The following KDM1B variants were observed in gnomAD, a reference collection of about 807,000 sequenced individuals.
KDM1B encodes lysine-specific histone demethylase 2.
In KDM1B, 63 loss-of-function variants were observed where a neutral mutation model predicts 107.4. That is an observed-to-expected ratio of 0.59 (90% CI 0.48 to 0.72). The LOEUF is 0.72. KDM1B is among the 30% of genes least tolerant of loss of function. The pLI, the probability that KDM1B is intolerant of heterozygous loss-of-function variation, is 0.00. For synonymous variants in KDM1B, 363 were observed against 363.9 expected (o/e 1.00, Z 0.03); for missense variants, 749 against 1,020.8 (o/e 0.73, Z 3.63).
chr6:18,165,545 A>G (rs1473938461), intron 5 of KDM1B, among the ~76,000 whole-genome samples: 2 of 152,176 alleles, frequency 1.3e-5, no homozygotes, highest in Non-Finnish European at 2.9e-5. Flanking sequence ...ATTCTAGGCT[A>G]GGTGCAGTGG....
intron 14 of KDM1B, among the ~76,000 whole-genome samples, chr6:18,202,278 A>G (rs1440782712): frequency 6.6e-6 from 1 of 151,764 alleles, no homozygotes; most frequent in Non-Finnish European, 1.5e-5. Flanking sequence ...GTGTGTCTGT[A>G]GTCCCAGCTA....
At position 18,223,840 on chromosome 6, in the gene KDM1B, AG is replaced by A. The variant is rs777064846; in HGVS notation, c.*1849del. 5 of 152,246 alleles carry A rather than the reference AG, an allele frequency of 3.3e-5. No homozygotes were observed. The highest frequency in any genetic ancestry group is 9.6e-5 in the African/African-American group (4 of 41,470). The allele number at this position is 152,246 out of a possible 1,614,324, so 9.4% of individuals were successfully genotyped here. Reference sequence around the variant, plus strand: ...GGTTGTGTAAAACTAATAAAAAACTAGACTTTCACATGTACTCTGTACTGTA... The same window carrying A: ...GGTTGTGTAAAACTAATAAAAAACTAACTTTCACATGTACTCTGTACTGTA... On this transcript the variant is annotated 3_prime_UTR_variant, in exon 22 of 22. Coordinates refer to ENST00000650836, the MANE Select transcript of KDM1B (RefSeq NM_001364614.2).
At chr6:18,206,384 G>A (rs1788374220) in intron 15 of KDM1B, among the ~76,000 whole-genome samples, 4 of 152,064 alleles carry the variant, frequency 2.6e-5, no homozygotes, top group African/African-American at 7.2e-5. Context: ...GGGCTTAGTG[G>A]CATGTGCCTG....
At chr6:18,194,354 A>G (rs1383626072) in intron 10 of KDM1B, among the ~76,000 whole-genome samples, 1 of 151,902 alleles carries the variant, frequency 6.6e-6, no homozygotes, top group Non-Finnish European at 1.5e-5. Context: ...GTCAGTCACA[A>G]GAATCCAGCT....
Position 18,209,512 on chromosome 6 carries a change from C to A in KDM1B, c.1866+1306C>A, listed in dbSNP as rs916094303. Among the ~76,000 whole-genome samples the A allele has an allele frequency of 1.3e-5, 2 of 152,202 alleles. No individual in the cohort carries two copies. The highest frequency in any genetic ancestry group is 1.5e-5 in the Non-Finnish European group (1 of 68,034). On this transcript the variant is annotated intron_variant, in intron 17 of 21. Coordinates refer to ENST00000650836, the MANE Select transcript of KDM1B (RefSeq NM_001364614.2). This position sits in a 1 kb window ranked among gnomAD's most constrained non-coding sequence, Gnocchi z 4.3. ...CAACTCGGAGATCTTGGGCAGCAATCCCCGGGCTGCACGTCGGAACCACCT... is the reference window on the plus strand; with the variant it reads ...CAACTCGGAGATCTTGGGCAGCAATACCCGGGCTGCACGTCGGAACCACCT...
At chr6:18,190,798 G>A (rs1474175644) in intron 9 of KDM1B, among the ~76,000 whole-genome samples, 4 of 151,794 alleles carry the variant, frequency 2.6e-5, no homozygotes, top group Non-Finnish European at 1.5e-5. Flanking sequence ...TACTCAAGAA[G>A]CTGAGGCATG....
chr6:18,171,600 G>A (rs1451689529), intron 7 of KDM1B, 121 bp downstream of exon 7: 1 of 671,520 alleles, frequency 1.5e-6, no homozygotes, highest in African/African-American at 1.8e-5. Context: ...TTGCATGCAT[G>A]TAATAGAACC....
chr6:18,161,548 A>G, intron 4 of KDM1B, 94 bp downstream of exon 4: 2 of 1,322,372 alleles, frequency 1.5e-6, no homozygotes, highest in South Asian at 1.3e-5. Context: ...CTAAAGATAG[A>G]TACAGATACT....
In KDM1B at chr6:18,159,924, A is replaced by G. The variant is rs1784863093; in HGVS notation, c.29A>G (p.Lys10Arg). 6.2e-7 allele frequency: 1 copy of G among 1,610,918 alleles called. No homozygotes were observed. The highest frequency in any genetic ancestry group is 8.5e-7 in the Non-Finnish European group (1 of 1,178,928). MATPRGRTK[K>R]KASFDHSPDS... ...GCAACTCCACGGGGGAGGACAAAGA[A>G]AAAAGCATCTTTTGATCATTCTCCG... Residue 10 changes from lysine to arginine, a missense_variant, in exon 3 of 22, where the codon AAA becomes AGA. Lys to Arg is a conservative substitution (Grantham distance 26). Transcript: ENST00000650836. This position sits in a 1 kb window ranked among gnomAD's most constrained non-coding sequence, Gnocchi z 4.5.
intron 7 of KDM1B, among the ~76,000 whole-genome samples, chr6:18,181,125 T>C (rs1196553592): frequency 6.6e-6 from 1 of 152,224 alleles, no homozygotes; most frequent in African/African-American, 2.4e-5. Context: ...ATGTTCATTA[T>C]TGAAAAATTC....
At chr6:18,164,213 C>T (rs945727134) in intron 5 of KDM1B, among the ~76,000 whole-genome samples, 11 of 151,980 alleles carry the variant, frequency 7.2e-5, no homozygotes, top group Admixed American at 3.3e-4. Context: ...CTGTAACTTC[C>T]ACCTCCTGAG....
rs1487766568 is a variant in KDM1B, at chr6:18,209,367, C to T, written c.1866+1161C>T. Among the ~76,000 whole-genome samples the T allele has an allele frequency of 1.3e-5, 2 of 152,164 alleles. No homozygotes were observed. The highest frequency in any genetic ancestry group is 2.9e-5 in the Non-Finnish European group (2 of 68,026). On this transcript the variant is annotated intron_variant, in intron 17 of 21. Coordinates refer to ENST00000650836, the MANE Select transcript of KDM1B (RefSeq NM_001364614.2). This position sits in a 1 kb window ranked among gnomAD's most constrained non-coding sequence, Gnocchi z 4.3. ...CTTCCTACACTTCAGGTATCTAAAA[C>T]TTATTTCATAGTCCTTGATTTTCAT...
At position 18,201,957 on chromosome 6, in the gene KDM1B, G is replaced by A. The variant is rs555280217; in HGVS notation, c.1531+300G>A. On this transcript the variant is annotated intron_variant, in intron 14 of 21. Coordinates refer to ENST00000650836, the MANE Select transcript of KDM1B (RefSeq NM_001364614.2). The surrounding 1 kb of genome is among the most constrained non-coding windows in gnomAD (Gnocchi z 4.3). ...ATTTCCCAGAGTAGCTTACTTTTAT[G>A]GGAACATGTGGTAAGCCCTGTGTGA... 5.3e-5 allele frequency among the ~76,000 whole-genome samples: 8 copies of A among 152,170 alleles called. No homozygotes were observed. The highest frequency in any genetic ancestry group is 1.0e-4 in the Non-Finnish European group (7 of 67,996).
Position 18,162,804 on chromosome 6 carries a change from A to G in KDM1B, c.216-31A>G. On this transcript the variant is annotated intron_variant, in intron 4 of 21. Transcript: ENST00000650836. The surrounding 1 kb of genome is among the most constrained non-coding windows in gnomAD (Gnocchi z 4.1). ...ATGGGAGGAGAAATGTTTATTCATT[A>G]CCAAAGCTATATGTTTTTCACTATT... is the stretch of plus-strand genomic sequence containing the variant. The G allele has an allele frequency of 8.1e-7, 1 of 1,240,560 alleles. No individual in the cohort carries two copies. The highest frequency in any genetic ancestry group is 2.3e-5 in the East Asian group (1 of 43,224). The allele number at this position is 1,240,560 out of a possible 1,614,324, so 76.8% of individuals were successfully genotyped here.
intron 20 of KDM1B, among the ~76,000 whole-genome samples, 175 bp downstream of exon 20, chr6:18,215,304 C>T (rs1056968207): frequency 6.6e-6 from 1 of 152,232 alleles, no homozygotes; most frequent in Non-Finnish European, 1.5e-5. Context: ...TCTGTGAGGG[C>T]TGTCATCACA....
chr6:18,215,908 T>C (rs1464829556), intron 20 of KDM1B, among the ~76,000 whole-genome samples: 1 of 152,134 alleles, frequency 6.6e-6, no homozygotes, highest in Non-Finnish European at 1.5e-5. Context: ...TCCACGGAGC[T>C]CAGGATACTT....
intron 3 of KDM1B, among the ~76,000 whole-genome samples, chr6:18,160,195 G>A (rs1265090976): frequency 1.3e-5 from 2 of 152,150 alleles, no homozygotes. Context: ...AAGTATAAAG[G>A]CGTAGAGTGT....
Position 18,162,835 on chromosome 6 carries a change from A to T in KDM1B, c.216A>T (p.Arg72Ser). 1 of 1,573,972 alleles carries T rather than the reference A, an allele frequency of 6.4e-7. No individual in the cohort carries two copies. The highest frequency in any genetic ancestry group is 8.7e-7 in the Non-Finnish European group (1 of 1,143,544). ...CPVCFASASE[R>S]CAKNGYTSRW... ...GCTATATGTTTTTCACTATTTTCAG[A>T]TGTGCCAAAAATGGCTACACCTCCC... The change falls in exon 5 of 22, where the codon AGA (arginine) becomes AGT (serine). Residue 72 changes from arginine to serine, a missense_variant and splice_region_variant. Transcript: ENST00000650836. This position sits in a 1 kb window ranked among gnomAD's most constrained non-coding sequence, Gnocchi z 4.1.
chr6:18,199,726 A>G (rs1196048171), intron 12 of KDM1B, among the ~76,000 whole-genome samples: 2 of 148,758 alleles, frequency 1.3e-5, no homozygotes, highest in Admixed American at 1.3e-4. Flanking sequence ...TAAATAATAT[A>G]TCTTAGGGAA....
Sources: gnomAD v4.1 joint callset for allele counts (sites outside exome capture counted in the v4.1 genomes callset) on GRCh38, gnomAD v4.1.1 for gene constraint, Gnocchi (gnomAD v3.1) non-coding constraint, MANE v1.5 for transcripts, NCBI Gene and HGNC (gene_info 2026-07-23, HGNC 2026-07-21) for gene names.